THEMIS: variants seen among roughly 807,000 people sequenced by gnomAD.
THEMIS encodes protein THEMIS.
THEMIS carries 37 observed loss-of-function variants against 52.6 expected under a neutral mutation model. The observed-to-expected ratio is 0.70, with a 90% CI of 0.54 to 0.93. The LOEUF is 0.93. Ranked by LOEUF, THEMIS falls within the 40% of genes least tolerant of loss-of-function variation. THEMIS has a pLI of 0.00. For missense variants in THEMIS, 808 were observed against 763.1 expected, an observed-to-expected ratio of 1.06 and a Z score of -0.69; for synonymous variants, 292 against 272.7, an observed-to-expected ratio of 1.07 and a Z score of -0.70.
chr6:127,788,350 A>G (rs917751062), intron 4 of THEMIS, among the ~76,000 whole-genome samples: 2 of 152,208 alleles, frequency 1.3e-5, no homozygotes, highest in African/African-American at 4.8e-5. Context: ...GATTGACACC[A>G]ACCTAGTGAC....
chr6:127,700,914 A>C, the THEMIS span, among the ~76,000 whole-genome samples: 1 of 152,110 alleles, frequency 6.6e-6, no homozygotes, highest in South Asian at 2.1e-4. Flanking sequence ...ATACACTTTA[A>C]GTCCGTTAGG....
intron 4 of THEMIS, among the ~76,000 whole-genome samples, chr6:127,800,489 A>C (rs1474572890): frequency 3.9e-5 from 6 of 152,220 alleles, no homozygotes; most frequent in African/African-American, 1.4e-4. Flanking sequence ...AGAAATTTCA[A>C]ACCAAACTAA....
chr6:127,835,137 C>T (rs1778834033), intron 2 of THEMIS, among the ~76,000 whole-genome samples: 1 of 152,138 alleles, frequency 6.6e-6, no homozygotes, highest in Admixed American at 6.5e-5. Flanking sequence ...AGAACCTCCA[C>T]AGACCTTAGG....
intron 1 of THEMIS, 64 bp downstream of exon 1, chr6:127,900,778 A>G: frequency 7.0e-7 from 1 of 1,436,540 alleles, no homozygotes; most frequent in Non-Finnish European, 9.7e-7. Context: ...CCCCCCCTCC[A>G]ATTTTCAAAA....
chr6:127,750,898 G>A (rs1378284627), intron 4 of THEMIS, among the ~76,000 whole-genome samples: 1 of 151,550 alleles, frequency 6.6e-6, no homozygotes, highest in Admixed American at 6.6e-5. Context: ...GGAAAAAAAA[G>A]AAATACTTTC....
At chr6:127,868,376 T>G (rs1365630749) in intron 1 of THEMIS, 1 of 946,850 alleles carries the variant, frequency 1.1e-6, no homozygotes. Flanking sequence ...TAATAAAAAT[T>G]GGTATTTTCT....
At chr6:127,819,798 A>C (rs1305739812) in intron 3 of THEMIS, among the ~76,000 whole-genome samples, 2 of 152,218 alleles carry the variant, frequency 1.3e-5, no homozygotes, top group African/African-American at 4.8e-5. Flanking sequence ...AAAATTCTTC[A>C]GAGAAAAGAA....
In THEMIS at chr6:127,813,604, G is replaced by T. The variant is rs370867739; in HGVS notation, c.1037C>A (p.Pro346Gln). Residue 346 changes from proline (P) to glutamine (Q), a missense_variant, in exon 4 of 6, where the codon CCG (proline) becomes CAG (glutamine). Coordinates refer to ENST00000368248, the MANE Select transcript of THEMIS (RefSeq NM_001010923.3). ...TSYKGKFKRR[P>Q]REFPTAYDLE... ...GTCATAGGCCGTTGGGAACTCCCTC[G>T]GTCGCCGCTTGAACTTGCCTTTATA... 6.2e-7 allele frequency: 1 copy of T among 1,614,074 alleles called. No homozygotes were observed. Among genetic ancestry groups the T allele is most frequent in the Non-Finnish European group, 8.5e-7 (1 of 1,179,980 alleles).
At chr6:127,891,259 G>A (rs540625924) in intron 1 of THEMIS, among the ~76,000 whole-genome samples, 4 of 152,030 alleles carry the variant, frequency 2.6e-5, no homozygotes, top group South Asian at 2.1e-4. Context: ...GGCCAGGCGC[G>A]GTGGCTCACA....
intron 1 of THEMIS, among the ~76,000 whole-genome samples, chr6:127,863,531 C>G (rs536641262): frequency 1.6e-4 from 25 of 152,170 alleles, no homozygotes; most frequent in Non-Finnish European, 3.4e-4. Context: ...AACTCTTCTA[C>G]GTAGAAGCCT....
chr6:127,838,156 A>T (rs1027821823), intron 2 of THEMIS, among the ~76,000 whole-genome samples: 1 of 152,116 alleles, frequency 6.6e-6, no homozygotes, highest in African/African-American at 2.4e-5. Flanking sequence ...TAAGATGTAG[A>T]TGGAATTCAA....
At chr6:127,795,858 T>A (rs983754068) in intron 4 of THEMIS, among the ~76,000 whole-genome samples, 1 of 152,212 alleles carries the variant, frequency 6.6e-6, no homozygotes, top group Non-Finnish European at 1.5e-5. Flanking sequence ...TGTAAGTAAC[T>A]GATACTGGTT....
chr6:127,849,923 A>G (rs1487529440), intron 2 of THEMIS, among the ~76,000 whole-genome samples: 3 of 152,158 alleles, frequency 2.0e-5, no homozygotes, highest in African/African-American at 7.2e-5. Context: ...CACACAGCAA[A>G]AGAAATAAGC....
At chr6:127,769,479 G>C (rs2114429339) in intron 4 of THEMIS, among the ~76,000 whole-genome samples, 1 of 152,020 alleles carries the variant, frequency 6.6e-6, no homozygotes, top group South Asian at 2.1e-4. Flanking sequence ...TGAAGAGAGA[G>C]TGGCACAGAC....
intron 4 of THEMIS, among the ~76,000 whole-genome samples, chr6:127,728,477 G>C (rs889967515): frequency 6.6e-6 from 1 of 152,116 alleles, no homozygotes; most frequent in South Asian, 2.1e-4. Context: ...TGTAACACTT[G>C]CTTTGCACAT....
At chr6:127,742,681 T>C (rs1017352810) in intron 4 of THEMIS, among the ~76,000 whole-genome samples, 1 of 152,118 alleles carries the variant, frequency 6.6e-6, no homozygotes, top group Admixed American at 6.5e-5. Flanking sequence ...AGGTCAAAGA[T>C]TGTTATGATG....
intron 1 of THEMIS, among the ~76,000 whole-genome samples, chr6:127,911,267 C>T (rs1781404315): frequency 6.6e-6 from 1 of 151,258 alleles, no homozygotes; most frequent in Non-Finnish European, 1.5e-5. Flanking sequence ...AGGGGAGGAA[C>T]TTACACTGTA....
At chr6:127,874,484 C>T (rs1323325616) in intron 1 of THEMIS, among the ~76,000 whole-genome samples, 1 of 152,124 alleles carries the variant, frequency 6.6e-6, no homozygotes, top group East Asian at 1.9e-4. Context: ...TGTATGGATT[C>T]ATGACATACC....
chr6:127,812,992 G>T lies in THEMIS; in HGVS notation c.1649C>A (p.Ala550Asp). ...YYMMRRYESS[A>D]SHPPPRPPKH... Reference sequence around the variant, plus strand: ...CGGAGGGCGAGGTGGGGGATGTGAGGCTGAGCTTTCATATCTCCGCATCAT... The same window carrying T: ...CGGAGGGCGAGGTGGGGGATGTGAGTCTGAGCTTTCATATCTCCGCATCAT... Residue 550 changes from alanine to aspartate, a missense_variant, in exon 4 of 6, where the codon GCC becomes GAC. Physicochemically the swap from Ala to Asp is moderately radical, Grantham distance 126. Transcript: ENST00000368248. 1 of 1,614,052 alleles carries T rather than the reference G, an allele frequency of 6.2e-7. No individual in the cohort carries two copies. The highest frequency in any genetic ancestry group is 8.5e-7 in the Non-Finnish European group (1 of 1,180,004).
Sources: allele counts gnomAD v4.1 joint callset (sites outside exome capture counted in the v4.1 genomes callset), GRCh38; gene constraint gnomAD v4.1.1; transcripts MANE v1.5; gene names NCBI Gene and HGNC (gene_info 2026-07-23, HGNC 2026-07-21).